Variants in OPA1 observed in about 807,000 individuals in gnomAD.
OPA1 encodes dynamin-like GTPase OPA1, mitochondrial.
A neutral mutation model predicts 152.9 loss-of-function variants in OPA1; 59 were observed. That is an observed-to-expected ratio of 0.39 (90% CI 0.31 to 0.48). The LOEUF is 0.48. Among genes scored for constraint, OPA1 ranks in the 20% least tolerant of loss-of-function variants. The pLI, the probability that OPA1 is intolerant of heterozygous loss-of-function variation, is 0.96. For missense variants in OPA1, 1,008 were observed against 1,216.8 expected (o/e 0.83, Z 2.55); for synonymous variants, 400 against 389.9 (o/e 1.03, Z -0.31).
At chr3:193,659,110 C>A in intron 24 of OPA1, 115 bp downstream of exon 24, 1 of 790,298 alleles carries the variant, frequency 1.3e-6, no homozygotes, top group Non-Finnish European at 2.2e-6. Context: ...GTCATTAATA[C>A]TATAGTCGAA....
chr3:193,683,555 G>A (rs765203711), intron 29 of OPA1, among the ~76,000 whole-genome samples: 10 of 152,010 alleles, frequency 6.6e-5, no homozygotes, highest in Non-Finnish European at 1.3e-4. Context: ...TTTCATGAAA[G>A]GAAGAATCAA....
In OPA1 at chr3:193,604,863, A is replaced by AAAAAG. The variant is rs1389105240; in HGVS notation, c.33-9856_33-9855insGAAAA. On this transcript the variant is annotated intron_variant, in intron 1 of 30. Transcript: ENST00000361510. The stretch of plus-strand genomic sequence containing the variant: ...CAACAAGAGTGAAACTCCATCTCAA[A>AAAAAG]AAAAAAAAAAAAGAAAAAAGAAAAG... Among the ~76,000 whole-genome samples, 75 of 100,142 alleles carry AAAAAG rather than the reference A, an allele frequency of 7.5e-4. 1 individual carries two copies. Among genetic ancestry groups the AAAAAG allele is most frequent in the Non-Finnish European group, 9.3e-4 (35 of 37,726 alleles). 65.7% of individuals were successfully genotyped at this position (100,142 alleles called of 152,430 possible). A position where few individuals can be genotyped will look rare whatever the true frequency, so the allele number is the denominator to read the frequency against.
At chr3:193,659,120 A>G in intron 24 of OPA1, 125 bp downstream of exon 24, 1 of 758,860 alleles carries the variant, frequency 1.3e-6, no homozygotes. Context: ...CTATAGTCGA[A>G]TATTATTTGT....
Position 193,617,841 on chromosome 3 carries a change from T to C in OPA1, c.610+4T>C, listed in dbSNP as rs763086456. The C allele has an allele frequency of 6.2e-7, 1 of 1,608,224 alleles. No individual in the cohort carries two copies. Among genetic ancestry groups the C allele is most frequent in the Non-Finnish European group, 8.5e-7 (1 of 1,174,826 alleles). ...TCTGACCTACTTCTCTTGTTAGGTG[T>C]GTAAACAGACATTTTTGCTGACCTT... is the stretch of plus-strand genomic sequence containing the variant. On this transcript the variant is annotated splice_donor_region_variant and intron_variant, in intron 5 of 30. Transcript: ENST00000361510.
intron 1 of OPA1, chr3:193,613,970 A>C: frequency 1.9e-6 from 1 of 519,002 alleles, no homozygotes; most frequent in African/African-American, 1.9e-5. Context: ...TTAGTAAGCA[A>C]CTAATAGTAA....
intron 21 of OPA1, among the ~76,000 whole-genome samples, chr3:193,652,109 G>A (rs765371930): frequency 2.0e-4 from 30 of 152,216 alleles, no homozygotes; most frequent in African/African-American, 6.7e-4. Flanking sequence ...GTCCAGGCAC[G>A]GTGGCTCATG....
chr3:193,596,301 TTTTCTTTTCC>T (rs1310825109), intron 1 of OPA1, among the ~76,000 whole-genome samples: 66 of 78,040 alleles, frequency 8.5e-4, no homozygotes, highest in African/African-American at 3.2e-3. Flanking sequence ...GCAACTTTTC[TTTTCTTTTCC>T]TTTCCTTTCC....
intron 29 of OPA1, chr3:193,668,581 AC>A: frequency 2.6e-6 from 4 of 1,541,450 alleles, no homozygotes; most frequent in Non-Finnish European, 3.5e-6. Context: ...TTGTGGAGAT[AC>A]CCTCTTTACC....
chr3:193,607,167 G>A (rs1302807065), intron 1 of OPA1, among the ~76,000 whole-genome samples: 2 of 152,180 alleles, frequency 1.3e-5, no homozygotes, highest in African/African-American at 2.4e-5. Flanking sequence ...CTGGATATTA[G>A]CCCTTTGTCA....
intron 7 of OPA1, 31 bp downstream of exon 7, chr3:193,626,233 C>A: frequency 2.1e-6 from 3 of 1,461,560 alleles, no homozygotes; most frequent in South Asian, 2.3e-5. Flanking sequence ...GCTACCGATA[C>A]ATTCACACTA....
chr3:193,608,509 A>G (rs7635345), intron 1 of OPA1, among the ~76,000 whole-genome samples: 65,320 of 151,968 alleles, frequency 0.43, 14,290 homozygotes, highest in Non-Finnish European at 0.44. Context: ...GTAGTTGAGC[A>G]GTTTTGAGTG....
chr3:193,598,244 G>A (rs1418292750), intron 1 of OPA1, among the ~76,000 whole-genome samples: 1 of 152,184 alleles, frequency 6.6e-6, no homozygotes, highest in Non-Finnish European at 1.5e-5. Context: ...AGGATTGGTG[G>A]AGATACAGTA....
chr3:193,658,252 A>G (rs905018658), intron 23 of OPA1, among the ~76,000 whole-genome samples: 1 of 127,288 alleles, frequency 7.9e-6, no homozygotes, highest in African/African-American at 3.6e-5. Flanking sequence ...TTTTCAAAAA[A>G]AAAAAAAAAA....
intron 11 of OPA1, among the ~76,000 whole-genome samples, chr3:193,638,873 A>G (rs1274785010): frequency 6.6e-6 from 1 of 152,236 alleles, no homozygotes; most frequent in Non-Finnish European, 1.5e-5. Flanking sequence ...AATAATCATA[A>G]AAGTGAAGAT....
chr3:193,664,437 A>G (rs1030579958), intron 26 of OPA1, among the ~76,000 whole-genome samples: 12 of 151,772 alleles, frequency 7.9e-5, no homozygotes, highest in African/African-American at 2.7e-4. Flanking sequence ...TCATATTGGT[A>G]TGGTAGCAGT....
chr3:193,625,561 G>A (rs1313538307), intron 6 of OPA1, among the ~76,000 whole-genome samples: 6 of 151,766 alleles, frequency 4.0e-5, no homozygotes, highest in South Asian at 2.1e-4. Flanking sequence ...GTATGCAAAG[G>A]CACATAGAAT....
At chr3:193,616,690 C>T (rs187722638) in intron 3 of OPA1, among the ~76,000 whole-genome samples, 68 of 152,252 alleles carry the variant, frequency 4.5e-4, no homozygotes, top group Non-Finnish European at 8.7e-4. Context: ...TATATTGGAT[C>T]GCTATGATTG....
intron 29 of OPA1, among the ~76,000 whole-genome samples, chr3:193,667,740 G>T (rs1266171884): frequency 1.3e-5 from 2 of 151,070 alleles, no homozygotes; most frequent in African/African-American, 4.9e-5. Flanking sequence ...GTAAGTTGCT[G>T]ACCTTAAGTC....
intron 6 of OPA1, among the ~76,000 whole-genome samples, chr3:193,624,868 A>C (rs995208761): frequency 2.0e-5 from 3 of 152,034 alleles, no homozygotes; most frequent in Non-Finnish European, 2.9e-5. Context: ...ATAAAATAAA[A>C]TATTTTGGGC....
Sources: allele counts gnomAD v4.1 joint callset (sites outside exome capture counted in the v4.1 genomes callset), GRCh38; gene constraint gnomAD v4.1.1; transcripts MANE v1.5; gene names NCBI Gene and HGNC (gene_info 2026-07-23, HGNC 2026-07-21).